The following NXF1 variants were observed in gnomAD, a reference collection of about 807,000 sequenced individuals.
NXF1 encodes the protein mRNA export factor TAP.
NXF1 carries 43 observed loss-of-function variants against 92.4 expected under a neutral mutation model. The ratio of observed to expected loss-of-function variants is 0.47; its 90% CI spans 0.36 to 0.60. The LOEUF (loss-of-function observed/expected upper bound fraction) is 0.60. NXF1 is among the 20% of genes least tolerant of loss of function. The pLI is 0.00. For missense variants in NXF1, 576 were observed against 793.0 expected (o/e 0.73, Z 3.29); for synonymous variants, 288 against 292.2 (o/e 0.99, Z 0.15).
intron 18 of NXF1, 143 bp from the exon 19 acceptor site, chr11:62,794,583 C>T (rs937795254): frequency 1.4e-6 from 1 of 723,760 alleles, no homozygotes; most frequent in African/African-American, 1.8e-5. Flanking sequence ...TATCCCCTCC[C>T]ATGGAATCAA....
At chr11:62,801,011 T>C (rs1170013131) in intron 9 of NXF1, 83 bp downstream of exon 9, 2 of 1,018,698 alleles carry the variant, frequency 2.0e-6, no homozygotes, top group African/African-American at 3.1e-5. Context: ...GAGTTCTCTC[T>C]CTTGCCTCTT....
chr11:62,799,346 GTC>G (rs2084454884), intron 10 of NXF1: 1 of 985,666 alleles, frequency 1.0e-6, no homozygotes, highest in African/African-American at 1.7e-5. Flanking sequence ...TGTTGGCCAG[GTC>G]TCTGTCTGCT....
intron 19 of NXF1, among the ~76,000 whole-genome samples, chr11:62,793,070 T>C (rs1475079983): frequency 6.6e-6 from 1 of 150,834 alleles, no homozygotes; most frequent in African/African-American, 2.5e-5. Context: ...CAGGTTTGTG[T>C]TTTTCTGTTT....
intron 10 of NXF1, chr11:62,799,188 A>G (rs950758571): frequency 2.1e-5 from 21 of 985,732 alleles, no homozygotes; most frequent in Non-Finnish European, 2.5e-5. Context: ...AAAAAGAGAA[A>G]GAACTACAAG....
At chr11:62,802,349 C>T in intron 3 of NXF1, 89 bp from the exon 4 acceptor site, 1 of 1,012,796 alleles carries the variant, frequency 9.9e-7, no homozygotes, top group South Asian at 1.4e-5. Flanking sequence ...TTCTACCAAA[C>T]TTTTAAAGAC....
chr11:62,793,247 T>G (rs2084385291), intron 19 of NXF1, among the ~76,000 whole-genome samples: 1 of 152,242 alleles, frequency 6.6e-6, no homozygotes, highest in African/African-American at 2.4e-5. Flanking sequence ...CCCCGCTAAT[T>G]TTTGTATTTT....
intron 19 of NXF1, among the ~76,000 whole-genome samples, chr11:62,793,953 A>G (rs2084394159): frequency 6.6e-6 from 1 of 151,534 alleles, no homozygotes; most frequent in African/African-American, 2.4e-5. Context: ...ATGAGCCAAG[A>G]TCGCACCACT....
rs2084417569 is a variant in NXF1, at chr11:62,796,087, C to T, written c.1440G>A (p.Val480=). The stretch of plus-strand genomic sequence containing the variant: ...TTACTGTCTGGGCGCTTATGTCTAC[C>T]ACGAAGGAATTGACGTCGTGCTGGG... ...PKTQHDVNSF[V]VDISAQTSTL... is the part of the protein sequence containing the mutation. Residue 480 remains valine, a synonymous_variant, in exon 16 of 21, where the codon GTG becomes GTA. Coordinates refer to ENST00000294172, the MANE Select transcript of NXF1 (RefSeq NM_006362.5). The T allele has an allele frequency of 6.2e-7, 1 of 1,613,852 alleles. No individual in the cohort carries two copies. Among genetic ancestry groups the T allele is most frequent in the South Asian group, 1.1e-5 (1 of 91,072 alleles).
chr11:62,798,708 G>A (rs2084447147), intron 10 of NXF1, 133 bp from the exon 11 acceptor site: 1 of 1,484,696 alleles, frequency 6.7e-7, no homozygotes, highest in Non-Finnish European at 8.9e-7. Context: ...CTCCCAGCCT[G>A]TGCTCAGGGA....
chr11:62,796,843 T>TGGATCATGAGGTCA (rs1188209599), intron 13 of NXF1: 2 of 534,938 alleles, frequency 3.7e-6, no homozygotes, highest in East Asian at 6.6e-5. Context: ...AAGAGGCAGG[T>TGGATCATGAGGTCA]GGATCATGAG....
At chr11:62,802,404 CAT>C (rs1479766007) in intron 3 of NXF1, 144 bp from the exon 4 acceptor site, 9 of 643,320 alleles carry the variant, frequency 1.4e-5, no homozygotes, top group Admixed American at 8.4e-5. Context: ...TTGAGATACA[CAT>C]AGATTCTTTA....
intron 10 of NXF1, chr11:62,799,456 T>C: frequency 1.0e-6 from 1 of 985,734 alleles, no homozygotes; most frequent in Non-Finnish European, 1.2e-6. Flanking sequence ...CCTGTAGGAT[T>C]GTGGGGGTGA....
In NXF1 at chr11:62,805,405, CAAACAACCTA is replaced by C. The variant is rs2084527421; in HGVS notation, c.-59_-50del. 6.2e-7 allele frequency: 1 copy of C among 1,607,088 alleles called. No homozygotes were observed. Among genetic ancestry groups the C allele is most frequent in the Non-Finnish European group, 8.5e-7 (1 of 1,177,134 alleles). On this transcript the variant is annotated 5_prime_UTR_variant, in exon 1 of 21. Coordinates refer to ENST00000294172, the MANE Select transcript of NXF1 (RefSeq NM_006362.5). ...GCTCAGGCGCTGGCCGCTACGCCGG[CAAACAACCTA>C]ACTCCCAAGCGCTCAGGACCGAAGT... is the stretch of plus-strand genomic sequence containing the variant.
intron 10 of NXF1, chr11:62,798,796 C>G: frequency 2.2e-6 from 3 of 1,367,676 alleles, no homozygotes; most frequent in South Asian, 1.8e-5. Flanking sequence ...TTCTCTCTGC[C>G]TGACCCTGAG....
Position 62,801,370 on chromosome 11 carries a change from T to C in NXF1, c.757A>G (p.Met253Val). The C allele has an allele frequency of 5.6e-6, 9 of 1,614,132 alleles. No individual in the cohort carries two copies. The Middle Eastern group carries it at 1.5e-3, about 266-fold the overall frequency. Residue 253 changes from methionine (M) to valine (V), a missense_variant, in exon 8 of 21, where the codon ATG (methionine) becomes GTG (valine). Coordinates refer to ENST00000294172, the MANE Select transcript of NXF1 (RefSeq NM_006362.5). ...TCAATGATCCTCAGGGTAGCTGCCA[T>C]ACAGCTTCTGCGATTCAGGACAACG... Reference protein sequence around the residue: ...IDVVLNRRSCMAATLRIIEEN... With the variant: ...IDVVLNRRSCVAATLRIIEEN...
At position 62,803,439 on chromosome 11, in the gene NXF1, T is replaced by C. The variant is rs2084501222; in HGVS notation, c.349A>G (p.Lys117Glu). 1 of 1,614,016 alleles carries C rather than the reference T, an allele frequency of 6.2e-7. No individual in the cohort carries two copies. The highest frequency in any genetic ancestry group is 8.5e-7 in the Non-Finnish European group (1 of 1,180,038). Residue 117 changes from lysine (K) to glutamate (E), a missense_variant, in exon 3 of 21, where the codon AAG (lysine) becomes GAG (glutamate). Lys to Glu is a moderately conservative substitution (Grantham distance 56, BLOSUM62 1). This residue lies in a region of NXF1 where 425 missense variants were observed against 635.2 expected (regional missense o/e 0.67). Transcript: ENST00000294172. ...GAGTSQDGTS[K>E]NWFKITIPYG... The stretch of plus-strand genomic sequence containing the variant: ...CTCACTGTAATCTTGAACCAGTTCT[T>C]TGAGGTCCCATCCTGGCTGGTGCCA...
At chr11:62,800,077 G>A in intron 10 of NXF1, 1 of 1,236,476 alleles carries the variant, frequency 8.1e-7, no homozygotes, top group South Asian at 2.2e-5. Context: ...GTAGAAAGGG[G>A]AGATGCCTTT....
At position 62,792,883 on chromosome 11, in the gene NXF1, T is replaced by C. The variant is rs1057514263; in HGVS notation, c.1761-182A>G. ...TGTTCTACCAATGGCTTCTCAAAGA[T>C]AAGGAATATTAAATAGCTGTCAAGA... is the stretch of plus-strand genomic sequence containing the variant. On this transcript the variant is annotated intron_variant, in intron 19 of 20. Coordinates refer to ENST00000294172, the MANE Select transcript of NXF1 (RefSeq NM_006362.5). The C allele has an allele frequency of 2.0e-5, 12 of 600,736 alleles. No homozygotes were observed. The African/African-American group carries it at 2.0e-4, about 10-fold the overall frequency. 37.2% of individuals were successfully genotyped at this position (600,736 alleles called of 1,614,324 possible). A position where few individuals can be genotyped will look rare whatever the true frequency, so the allele number is the denominator to read the frequency against.
rs2084415496 is a variant in NXF1 at position 62,795,945 on chromosome 11, T to C, written c.1462-2A>G. The C allele has an allele frequency of 6.2e-7, 1 of 1,613,904 alleles. No individual in the cohort carries two copies. The highest frequency in any genetic ancestry group is 8.5e-7 in the Non-Finnish European group (1 of 1,180,024). ...GACAGAAAAACACAGCAATGTGCTC[T>C]GAAAGAGAAGCAGCATCAGGTACAA... On this transcript the variant is annotated splice_acceptor_variant, in intron 16 of 20. Transcript: ENST00000294172. LOFTEE classifies it high-confidence loss of function.
Sources: allele counts gnomAD v4.1 joint callset (sites outside exome capture counted in the v4.1 genomes callset), GRCh38; gene constraint gnomAD v4.1.1; regional missense constraint gnomAD v4.1.1; transcripts MANE v1.5; gene names NCBI Gene and HGNC (gene_info 2026-07-23, HGNC 2026-07-21).